Variants in MYO3B observed in about 807,000 individuals in gnomAD.
The protein encoded by MYO3B is myosin IIIB, also known as myosin-IIIb.
A neutral mutation model predicts 174.6 loss-of-function variants in MYO3B; 156 were observed. The ratio of observed to expected loss-of-function variants is 0.89; its 90% CI spans 0.78 to 1.02. MYO3B has a LOEUF of 1.02. Ranked by LOEUF, MYO3B falls within the 50% of genes least tolerant of loss-of-function variation. MYO3B has a pLI of 0.00. For synonymous variants in MYO3B, 563 were observed against 569.1 expected, an observed-to-expected ratio of 0.99 and a Z score of 0.15; for missense variants, 1,632 against 1,639.4, an observed-to-expected ratio of 1.00 and a Z score of 0.08.
At chr2:170,378,202 T>G (rs1035869673) in intron 9 of MYO3B, among the ~76,000 whole-genome samples, 11 of 152,284 alleles carry the variant, frequency 7.2e-5, no homozygotes, top group African/African-American at 2.2e-4. Context: ...AGATAAAAAT[T>G]GAAATAAATA....
rs765162966 is a variant in MYO3B, at chr2:170,652,985, A to C, written c.3890A>C (p.Gln1297Pro). ...TCCTGTTGTTTTCTTTGTTGCAGCC[A>C]AATCAAAGTACTTGATGGGGAAGAT... ...GSKRKPRKLG[Q>P]IKVLDGEDEY... The change falls in exon 35 of 35, where the codon CAA becomes CCA. Residue 1297 changes from glutamine to proline, a missense_variant and splice_region_variant. By Grantham distance (76) the Gln-to-Pro change is moderately conservative. Coordinates refer to ENST00000408978, the MANE Select transcript of MYO3B (RefSeq NM_138995.5). The C allele has an allele frequency of 6.2e-7, 1 of 1,613,530 alleles. No homozygotes were observed.
chr2:170,397,157 A>T (rs940602996), intron 16 of MYO3B, among the ~76,000 whole-genome samples: 10 of 152,232 alleles, frequency 6.6e-5, no homozygotes, highest in Admixed American at 2.0e-4. Flanking sequence ...AAAAAATGAC[A>T]TATTGCCTTT....
intron 30 of MYO3B, among the ~76,000 whole-genome samples, chr2:170,528,767 C>G (rs558489983): frequency 7.2e-5 from 11 of 152,152 alleles, no homozygotes; most frequent in African/African-American, 2.7e-4. Flanking sequence ...GCATGGGAAC[C>G]AATTTTCAGT....
chr2:170,435,808 G>A (rs2094749326), intron 22 of MYO3B, among the ~76,000 whole-genome samples: 1 of 152,164 alleles, frequency 6.6e-6, no homozygotes, highest in Non-Finnish European at 1.5e-5. Flanking sequence ...AATCACCACT[G>A]GAACCCAGCT....
chr2:170,596,712 C>T (rs971146418), intron 32 of MYO3B, among the ~76,000 whole-genome samples: 1 of 152,206 alleles, frequency 6.6e-6, no homozygotes, highest in Non-Finnish European at 1.5e-5. Flanking sequence ...CCCCCAGGGC[C>T]TAGAGAAGGC....
At chr2:170,374,028 G>A (rs2094269228) in intron 9 of MYO3B, among the ~76,000 whole-genome samples, 1 of 152,182 alleles carries the variant, frequency 6.6e-6, no homozygotes, top group South Asian at 2.1e-4. Context: ...AAGTTAATCA[G>A]TGTCTAAGAT....
chr2:170,405,897 C>G (rs370655838), intron 21 of MYO3B, among the ~76,000 whole-genome samples: 61 of 152,236 alleles, frequency 4.0e-4, no homozygotes, highest in African/African-American at 1.4e-3. Context: ...TGACAGCTCT[C>G]CAGAGAGAAA....
chr2:170,333,490 T>C (rs2093926096), intron 7 of MYO3B, among the ~76,000 whole-genome samples: 1 of 152,210 alleles, frequency 6.6e-6, no homozygotes, highest in Non-Finnish European at 1.5e-5. Flanking sequence ...GGTAACTAAA[T>C]TCGTATGCAG....
chr2:170,507,421 A>G (rs1687682122), intron 28 of MYO3B, among the ~76,000 whole-genome samples: 1 of 151,254 alleles, frequency 6.6e-6, no homozygotes, highest in Non-Finnish European at 1.5e-5. Flanking sequence ...TTTTTTTGAG[A>G]TGGAGTCTCA....
intron 7 of MYO3B, among the ~76,000 whole-genome samples, chr2:170,258,118 G>T (rs1034009032): frequency 6.6e-6 from 1 of 152,062 alleles, no homozygotes; most frequent in African/African-American, 2.4e-5. Context: ...GGACTAGATG[G>T]ATTCCCAGCT....
chr2:170,464,056 T>G (rs910788396), intron 24 of MYO3B, among the ~76,000 whole-genome samples: 3 of 152,114 alleles, frequency 2.0e-5, no homozygotes, highest in Non-Finnish European at 2.9e-5. Context: ...AGTTTCACAA[T>G]AGAAATACTG....
chr2:170,372,118 C>CAAAAAAAAA (rs769243145), intron 9 of MYO3B, among the ~76,000 whole-genome samples: 233 of 22,150 alleles, frequency 0.011, 17 homozygotes, highest in African/African-American at 0.023. Context: ...GACCCTGTCT[C>CAAAAAAAAA]AAAAAAAAAA....
At chr2:170,472,712 T>C (rs1266483838) in intron 25 of MYO3B, among the ~76,000 whole-genome samples, 2 of 148,576 alleles carry the variant, frequency 1.3e-5, no homozygotes, top group African/African-American at 5.1e-5. Context: ...TATTTATTTA[T>C]TTATTTTGAG....
At chr2:170,421,807 A>G (rs1179441306) in intron 22 of MYO3B, among the ~76,000 whole-genome samples, 1 of 152,198 alleles carries the variant, frequency 6.6e-6, no homozygotes, top group Non-Finnish European at 1.5e-5. Context: ...GGGTGAAAAG[A>G]GCATCCCTTG....
At chr2:170,248,532 C>T (rs1315614471) in intron 7 of MYO3B, among the ~76,000 whole-genome samples, 1 of 152,200 alleles carries the variant, frequency 6.6e-6, no homozygotes, top group Non-Finnish European at 1.5e-5. Flanking sequence ...ATCAAGGTGT[C>T]ACAGGGCTGT....
intron 7 of MYO3B, among the ~76,000 whole-genome samples, chr2:170,267,563 T>A (rs2093393744): frequency 6.6e-6 from 1 of 152,190 alleles, no homozygotes; most frequent in Non-Finnish European, 1.5e-5. Context: ...AATATCATTA[T>A]TCACCCAAGA....
chr2:170,369,257 T>C lies in MYO3B; in HGVS notation c.851T>C (p.Val284Ala), dbSNP rs201142768. The change falls in exon 9 of 35, where the codon GTC (valine) becomes GCC (alanine). Residue 284 changes from valine to alanine, a missense_variant. Val to Ala is a moderately conservative substitution (Grantham distance 64). Transcript: ENST00000408978. ...AAGGATTTTGAAAGGCGACCTTCCG[T>C]CACACATCTCCTTGACCACCCATTT... Reference protein sequence around the residue: ...LIKDFERRPSVTHLLDHPFIK... With the variant: ...LIKDFERRPSATHLLDHPFIK... 101 of 1,613,366 alleles carry C rather than the reference T, an allele frequency of 6.3e-5. No homozygotes were observed. The highest frequency in any genetic ancestry group is 7.9e-5 in the Non-Finnish European group (93 of 1,179,630).
intron 7 of MYO3B, among the ~76,000 whole-genome samples, chr2:170,299,697 C>A (rs1431182118): frequency 2.6e-5 from 4 of 152,302 alleles, no homozygotes; most frequent in Non-Finnish European, 1.5e-5. Context: ...AGAAATCGAG[C>A]AGTCTAGCTT....
At chr2:170,198,687 C>G (rs2092627578) in intron 1 of MYO3B, among the ~76,000 whole-genome samples, 1 of 152,110 alleles carries the variant, frequency 6.6e-6, no homozygotes, top group Non-Finnish European at 1.5e-5. Flanking sequence ...AAATTTACTT[C>G]TTTTCACTCA....
Sources: allele counts gnomAD v4.1 joint callset (sites outside exome capture counted in the v4.1 genomes callset), GRCh38; gene constraint gnomAD v4.1.1; transcripts MANE v1.5; gene names NCBI Gene and HGNC (gene_info 2026-07-23, HGNC 2026-07-21).